Variants in SORCS1 observed in about 807,000 individuals in gnomAD.
The protein encoded by SORCS1 is sortilin related VPS10 domain containing receptor 1.
Under a neutral mutation model 146.1 loss-of-function variants are expected in SORCS1, and 60 were observed. The observed-to-expected ratio is 0.41, with a 90% CI of 0.33 to 0.51. The LOEUF (loss-of-function observed/expected upper bound fraction) is 0.51. Ranked by LOEUF, SORCS1 falls within the 20% of genes least tolerant of loss-of-function variation. The pLI is 0.21. For missense variants in SORCS1, 1,352 were observed against 1,487.6 expected (o/e 0.91, Z 1.50); for synonymous variants, 637 against 584.0 (o/e 1.09, Z -1.31).
chr10:106,813,134 T>C (rs1258535859), intron 3 of SORCS1, among the ~76,000 whole-genome samples: 10 of 140,062 alleles, frequency 7.1e-5, no homozygotes, highest in African/African-American at 1.6e-4. Flanking sequence ...TTTTCTTTTT[T>C]TTTTTTTTTT....
intron 1 of SORCS1, among the ~76,000 whole-genome samples, chr10:107,029,346 G>A (rs1405613974): frequency 2.6e-5 from 4 of 152,142 alleles, no homozygotes; most frequent in Non-Finnish European, 5.9e-5. Context: ...TACCTGTTTT[G>A]GAGCACATTC....
chr10:106,663,650 A>G (rs919110505), intron 17 of SORCS1, among the ~76,000 whole-genome samples: 9 of 152,160 alleles, frequency 5.9e-5, no homozygotes, highest in African/African-American at 2.2e-4. Context: ...GGAGGCAGAA[A>G]GTTCTTTTCC....
intron 2 of SORCS1, among the ~76,000 whole-genome samples, chr10:106,874,923 G>GT (rs566077742): frequency 9.5e-4 from 145 of 152,178 alleles, no homozygotes; most frequent in Non-Finnish European, 8.4e-4. Flanking sequence ...ACATTTTTGT[G>GT]TTTTTTCTGC....
chr10:106,821,296 G>A (rs1948009837), intron 3 of SORCS1, among the ~76,000 whole-genome samples: 1 of 152,134 alleles, frequency 6.6e-6, no homozygotes, highest in Non-Finnish European at 1.5e-5. Flanking sequence ...CAAACCAAAA[G>A]ATAGAGTCTA....
intron 1 of SORCS1, among the ~76,000 whole-genome samples, chr10:106,982,415 G>A (rs1312618935): frequency 1.3e-5 from 2 of 152,110 alleles, no homozygotes; most frequent in Admixed American, 6.5e-5. Context: ...AGCCAAGACA[G>A]CTTAGCTTGA....
chr10:106,906,737 TA>T (rs1360548587), intron 2 of SORCS1, among the ~76,000 whole-genome samples: 1 of 152,034 alleles, frequency 6.6e-6, no homozygotes, highest in Non-Finnish European at 1.5e-5. Context: ...ATAACTTAAT[TA>T]GAACAATAAC....
chr10:106,587,005 A>C (rs1259613916), intron 24 of SORCS1, among the ~76,000 whole-genome samples: 1 of 152,168 alleles, frequency 6.6e-6, no homozygotes, highest in Non-Finnish European at 1.5e-5. Context: ...AGGTAGATGA[A>C]AATATCACAT....
chr10:107,022,122 G>T (rs186407444), intron 1 of SORCS1, among the ~76,000 whole-genome samples: 12 of 152,270 alleles, frequency 7.9e-5, no homozygotes, highest in Non-Finnish European at 1.6e-4. Context: ...AGGGGCTGAA[G>T]GGAAGGAATA....
chr10:106,978,626 C>T (rs551567005), intron 1 of SORCS1, among the ~76,000 whole-genome samples: 7 of 152,072 alleles, frequency 4.6e-5, no homozygotes, highest in African/African-American at 1.2e-4. Context: ...GGTGAAACCC[C>T]GTCTCTGCTA....
intron 1 of SORCS1, among the ~76,000 whole-genome samples, chr10:106,979,784 G>A (rs1956176890): frequency 6.6e-6 from 1 of 152,146 alleles, no homozygotes; most frequent in African/African-American, 2.4e-5. Flanking sequence ...AATACGCTAT[G>A]GAGTCAGACT....
At chr10:106,909,356 G>A (rs1952043417) in intron 2 of SORCS1, among the ~76,000 whole-genome samples, 1 of 151,520 alleles carries the variant, frequency 6.6e-6, no homozygotes, top group Non-Finnish European at 1.5e-5. Context: ...GTAGCTATAG[G>A]TATAGAGTGG....
intron 17 of SORCS1, chr10:106,667,086 T>A (rs912114119): frequency 2.6e-5 from 4 of 152,258 alleles, no homozygotes; most frequent in African/African-American, 4.8e-5. Context: ...AATTTATGAT[T>A]TTTTTTCCTT....
At chr10:106,694,012 C>T (rs945188759) in intron 9 of SORCS1, among the ~76,000 whole-genome samples, 8 of 152,070 alleles carry the variant, frequency 5.3e-5, no homozygotes, top group African/African-American at 1.2e-4. Flanking sequence ...GATGAAACAA[C>T]GACTGTGGCA....
chr10:106,906,505 G>A (rs188497016), intron 2 of SORCS1, among the ~76,000 whole-genome samples: 21 of 152,266 alleles, frequency 1.4e-4, no homozygotes, highest in Non-Finnish European at 2.4e-4. Context: ...CTTCTTACAC[G>A]GCAGCAGCAA....
chr10:106,810,639 G>A (rs569592236), intron 3 of SORCS1, among the ~76,000 whole-genome samples: 3 of 152,294 alleles, frequency 2.0e-5, no homozygotes, highest in Non-Finnish European at 4.4e-5. Context: ...GCTCTGGAAC[G>A]TTCAACTGCT....
intron 24 of SORCS1, among the ~76,000 whole-genome samples, chr10:106,583,410 T>C (rs1175791414): frequency 1.3e-5 from 2 of 152,204 alleles, no homozygotes; most frequent in Non-Finnish European, 2.9e-5. Context: ...CATAAACTCA[T>C]TTGACCACAG....
chr10:106,634,251 G>A (rs929573089), intron 18 of SORCS1, among the ~76,000 whole-genome samples: 3 of 152,200 alleles, frequency 2.0e-5, no homozygotes, highest in East Asian at 1.9e-4. Flanking sequence ...GCTAGGAAGT[G>A]TCTTGTTAAT....
chr10:107,166,103 A>G (rs781514588), upstream of SORCS1, among the ~76,000 whole-genome samples: 2 of 152,246 alleles, frequency 1.3e-5, no homozygotes, highest in Non-Finnish European at 2.9e-5. Context: ...TCTCTTAGGT[A>G]CATGTTATTA....
chr10:106,907,896 A>C (rs1951979552), intron 2 of SORCS1, among the ~76,000 whole-genome samples: 1 of 110,120 alleles, frequency 9.1e-6, no homozygotes, highest in African/African-American at 3.4e-5. Flanking sequence ...CACTGCACTC[A>C]AAAAAAAAAA....
Sources: allele counts gnomAD v4.1 joint callset (sites outside exome capture counted in the v4.1 genomes callset), GRCh38; gene constraint gnomAD v4.1.1; transcripts MANE v1.5; gene names NCBI Gene and HGNC (gene_info 2026-07-23, HGNC 2026-07-21).